TPRG1: variants seen among roughly 807,000 people sequenced by gnomAD.
TPRG1 encodes tumor protein p63 regulated 1.
In TPRG1, 29 loss-of-function variants were observed where a neutral mutation model predicts 29.3. The ratio of observed to expected loss-of-function variants is 0.99; its 90% CI spans 0.74 to 1.35. The LOEUF is 1.35. Among genes scored for constraint, TPRG1 ranks in the 40% most tolerant of loss-of-function variants. The pLI, the probability that TPRG1 is intolerant of heterozygous loss-of-function variation, is 0.00. For missense variants in TPRG1, 327 were observed against 335.0 expected (o/e 0.98, Z 0.19); for synonymous variants, 130 against 116.8 (o/e 1.11, Z -0.73).
chr3:189,037,031 G>A (rs202142330), intron 4 of TPRG1, among the ~76,000 whole-genome samples: 4 of 146,138 alleles, frequency 2.7e-5, no homozygotes, highest in South Asian at 2.1e-4. Context: ...AGTGACTTCT[G>A]AAAAAAAAAA....
At chr3:189,202,894 T>A (rs1360088087) in intron 1 of TPRG1, among the ~76,000 whole-genome samples, 1 of 152,154 alleles carries the variant, frequency 6.6e-6, no homozygotes, top group African/African-American at 2.4e-5. Context: ...AGTTTGCCAG[T>A]GCATGAGTTT....
At chr3:189,029,289 T>A (rs1172437775) in intron 4 of TPRG1, among the ~76,000 whole-genome samples, 1 of 152,234 alleles carries the variant, frequency 6.6e-6, no homozygotes, top group Non-Finnish European at 1.5e-5. Context: ...GAAATGTGGT[T>A]TATTTAGAGA....
chr3:189,121,092 T>G (rs1030432023), intron 1 of TPRG1, among the ~76,000 whole-genome samples: 2 of 152,214 alleles, frequency 1.3e-5, no homozygotes, highest in East Asian at 1.9e-4. Context: ...TTTTATTTTC[T>G]TAGAGGATAA....
chr3:189,236,422 G>A (rs573389855), intron 3 of TPRG1, among the ~76,000 whole-genome samples: 1 of 152,254 alleles, frequency 6.6e-6, no homozygotes, highest in Admixed American at 6.5e-5. Context: ...GTAGATATCT[G>A]ATAAGAAATT....
intron 4 of TPRG1, among the ~76,000 whole-genome samples, chr3:189,056,509 G>T (rs560205316): frequency 1.3e-5 from 2 of 152,290 alleles, no homozygotes; most frequent in African/African-American, 4.8e-5. Flanking sequence ...GTAAATGAAT[G>T]AAAAGAACTT....
upstream of TPRG1, among the ~76,000 whole-genome samples, chr3:189,168,456 G>A (rs749725256): frequency 6.6e-6 from 1 of 152,072 alleles, no homozygotes; most frequent in Non-Finnish European, 1.5e-5. Context: ...ATATTCATTC[G>A]TTTACTCATC....
chr3:189,052,153 C>T (rs1247155216), intron 4 of TPRG1, among the ~76,000 whole-genome samples: 1 of 152,184 alleles, frequency 6.6e-6, no homozygotes, highest in Admixed American at 6.5e-5. Flanking sequence ...GCAGAGTAAA[C>T]AGACAACCCA....
intron 1 of TPRG1, among the ~76,000 whole-genome samples, chr3:189,109,786 T>A (rs1720289861): frequency 1.3e-5 from 2 of 152,128 alleles, no homozygotes; most frequent in African/African-American, 2.4e-5. Context: ...ACAATCAACA[T>A]GTAGAACATT....
chr3:189,218,972 C>T (rs992054799), intron 3 of TPRG1, among the ~76,000 whole-genome samples: 5 of 152,064 alleles, frequency 3.3e-5, no homozygotes, highest in African/African-American at 1.2e-4. Flanking sequence ...AGATTCTATC[C>T]CATACGTGAT....
intron 1 of TPRG1, among the ~76,000 whole-genome samples, chr3:189,125,023 T>C (rs988333111): frequency 2.6e-5 from 4 of 152,248 alleles, no homozygotes; most frequent in African/African-American, 4.8e-5. Context: ...GTAGGTAATC[T>C]TTTAGGTCTC....
intron 4 of TPRG1, among the ~76,000 whole-genome samples, chr3:189,250,731 A>G (rs1324492177): frequency 7.1e-6 from 1 of 140,930 alleles, no homozygotes; most frequent in Non-Finnish European, 1.5e-5. Context: ...ACAGAGTCTG[A>G]GCAAATTCCC....
chr3:189,187,606 C>G (rs58799774), intron 1 of TPRG1, among the ~76,000 whole-genome samples: 17,809 of 152,144 alleles, frequency 0.12, 1,280 homozygotes, highest in African/African-American at 0.19. Flanking sequence ...CGTAAGCCAC[C>G]GTGCCCAGCC....
intron 3 of TPRG1, among the ~76,000 whole-genome samples, chr3:189,008,805 T>C (rs974251584): frequency 6.6e-6 from 1 of 152,254 alleles, no homozygotes; most frequent in African/African-American, 2.4e-5. Flanking sequence ...GCTAGTCCCT[T>C]GGGATTTAAG....
intron 1 of TPRG1, among the ~76,000 whole-genome samples, chr3:189,195,818 G>A (rs144571929): frequency 1.1e-3 from 160 of 152,318 alleles, no homozygotes; most frequent in Non-Finnish European, 1.9e-3. Context: ...AAGGGATGGA[G>A]TGGTAGAGGC....
intron 1 of TPRG1, among the ~76,000 whole-genome samples, chr3:189,109,598 A>G (rs1385490811): frequency 1.3e-5 from 2 of 152,224 alleles, no homozygotes; most frequent in African/African-American, 2.4e-5. Flanking sequence ...ACAATGAATT[A>G]TAGAAAATGA....
chr3:189,244,979 G>A (rs184988246), intron 4 of TPRG1, among the ~76,000 whole-genome samples: 172 of 152,198 alleles, frequency 1.1e-3, no homozygotes, highest in African/African-American at 3.0e-3. Flanking sequence ...GGAGTGCAAC[G>A]GTATGATCTT....
chr3:189,098,199 C>A, upstream of TPRG1, among the ~76,000 whole-genome samples: 1 of 151,292 alleles, frequency 6.6e-6, no homozygotes, highest in Admixed American at 6.6e-5. Flanking sequence ...CTAGAGGAAA[C>A]AATGTTTGAA....
At chr3:189,284,511 G>C (rs527355562) in intron 4 of TPRG1, among the ~76,000 whole-genome samples, 47 of 152,062 alleles carry the variant, frequency 3.1e-4, no homozygotes, top group African/African-American at 1.1e-3. Flanking sequence ...AGCTTCATCT[G>C]TGTCCCTACA....
intron 2 of TPRG1, among the ~76,000 whole-genome samples, chr3:189,129,121 A>G (rs1323141949): frequency 1.3e-5 from 2 of 152,244 alleles, no homozygotes; most frequent in Admixed American, 6.5e-5. Flanking sequence ...TACATATTTC[A>G]TCAATTTTTT....
Sources: gnomAD v4.1 joint callset for allele counts (sites outside exome capture counted in the v4.1 genomes callset) on GRCh38, gnomAD v4.1.1 for gene constraint, MANE v1.5 for transcripts, NCBI Gene and HGNC (gene_info 2026-07-23, HGNC 2026-07-21) for gene names.